The following JTB variants were observed in gnomAD, a reference collection of about 807,000 sequenced individuals.
The protein encoded by JTB is jumping translocation breakpoint.
Under a neutral mutation model 22.1 loss-of-function variants are expected in JTB, and 10 were observed. The ratio of observed to expected loss-of-function variants is 0.45; its 90% CI spans 0.28 to 0.77. The LOEUF (loss-of-function observed/expected upper bound fraction) is 0.77. JTB is among the 30% of genes least tolerant of loss of function. The pLI is 0.13. For synonymous variants in JTB, 83 were observed against 66.8 expected (o/e 1.24, Z -1.18); for missense variants, 137 against 180.3 (o/e 0.76, Z 1.38).
chr1:153,976,085 T>C (rs1239873036), intron 3 of JTB, among the ~76,000 whole-genome samples, 180 bp from the exon 4 acceptor site: 1 of 152,226 alleles, frequency 6.6e-6, no homozygotes, highest in African/African-American at 2.4e-5. Context: ...TACGAATGTA[T>C]GTTAGAACAC....
chr1:153,975,919 A>G lies in JTB; in HGVS notation c.205-14T>C. 1 of 1,599,546 alleles carries G rather than the reference A, an allele frequency of 6.3e-7. No individual in the cohort carries two copies. The highest frequency in any genetic ancestry group is 2.2e-5 in the East Asian group (1 of 44,790). ...AGGGGTAGTTTTCTGCCAGGAGAAAAGGAGCAAAGTACATGTTAGGAAGGG... is the reference window on the plus strand; with the variant it reads ...AGGGGTAGTTTTCTGCCAGGAGAAAGGGAGCAAAGTACATGTTAGGAAGGG... On this transcript the variant is annotated splice_polypyrimidine_tract_variant and intron_variant, in intron 3 of 4. Transcript: ENST00000271843.
chr1:153,976,640 A>C (rs1019461174), intron 3 of JTB, 53 bp downstream of exon 3: 11 of 1,407,158 alleles, frequency 7.8e-6, no homozygotes, highest in South Asian at 1.2e-5. Context: ...GATGTTGCTT[A>C]AGTGTTTGCT....
chr1:153,977,095 C>T, intron 1 of JTB, 75 bp downstream of exon 1: 1 of 1,613,988 alleles, frequency 6.2e-7, no homozygotes, highest in Non-Finnish European at 8.5e-7. Context: ...TGGATAAGAT[C>T]TCCCCCAGCC....
chr1:153,977,318 G>C lies in JTB; in HGVS notation c.-66C>G. 6.3e-7 allele frequency: 1 copy of C among 1,586,834 alleles called. No individual in the cohort carries two copies. The highest frequency in any genetic ancestry group is 8.6e-7 in the Non-Finnish European group (1 of 1,167,374). On this transcript the variant is annotated 5_prime_UTR_variant, in exon 1 of 5. Coordinates refer to ENST00000271843, the MANE Select transcript of JTB (RefSeq NM_006694.4). ...CTCCACAGGCCTCGTGCCTCCGTCG[G>C]AGCGCAGAGGCGGCACTTACTCTGC...
chr1:153,974,529 A>T lies in JTB; in HGVS notation c.*150T>A. ...GGAAGGAAACCATTTTACTCTTTTT[A>T]TTCTGCTCATTAATGATCTGAAAGA... On this transcript the variant is annotated 3_prime_UTR_variant, in exon 5 of 5. Transcript: ENST00000271843. 1 of 625,634 alleles carries T rather than the reference A, an allele frequency of 1.6e-6. No individual in the cohort carries two copies. Among genetic ancestry groups the T allele is most frequent in the Non-Finnish European group, 2.7e-6 (1 of 371,874 alleles). The allele number at this position is 625,634 out of a possible 1,614,324, so 38.8% of individuals were successfully genotyped here. A position where few individuals can be genotyped will look rare whatever the true frequency, so the allele number is the denominator to read the frequency against.
In JTB at chr1:153,974,656, C is replaced by A; in HGVS notation, c.*23G>T. On this transcript the variant is annotated 3_prime_UTR_variant, in exon 5 of 5. Transcript: ENST00000271843. ...TGTCTGAGATAGGGTCTCTAAGACC[C>A]AGGATACAAGGGTGGAATGTAGCTA... The A allele has an allele frequency of 6.3e-7, 1 of 1,593,212 alleles. No individual in the cohort carries two copies. The highest frequency in any genetic ancestry group is 1.3e-5 in the African/African-American group (1 of 74,720).
chr1:153,976,930 C>G (rs776761848), intron 2 of JTB, 46 bp downstream of exon 2: 1 of 1,611,456 alleles, frequency 6.2e-7, no homozygotes, highest in Non-Finnish European at 8.5e-7. Context: ...ATACTAAAAC[C>G]AAAAACAAAC....
rs1387180565 is a variant in JTB at position 153,974,541 on chromosome 1, AATG to A, written c.*135_*137del. On this transcript the variant is annotated 3_prime_UTR_variant, in exon 5 of 5. Coordinates refer to ENST00000271843, the MANE Select transcript of JTB (RefSeq NM_006694.4). ...TTTTACTCTTTTTATTCTGCTCATT[AATG>A]ATCTGAAAGAAGAAGATGGGGAAAA... The A allele has an allele frequency of 4.2e-5, 29 of 691,184 alleles. No homozygotes were observed. The highest frequency in any genetic ancestry group is 6.8e-5 in the Non-Finnish European group (28 of 413,646). 42.8% of individuals were successfully genotyped at this position (691,184 alleles called of 1,614,324 possible).
chr1:153,977,161 C>A lies in JTB; in HGVS notation c.83+9G>T. ...GACCTCCTTTTCCCTCCCCTTACCT[C>A]CTCCTTACCAGAGCTTTAAGGTGAA... On this transcript the variant is annotated intron_variant, in intron 1 of 4. Coordinates refer to ENST00000271843, the MANE Select transcript of JTB (RefSeq NM_006694.4). 6.2e-7 allele frequency: 1 copy of A among 1,614,176 alleles called. No homozygotes were observed. Among genetic ancestry groups the A allele is most frequent in the South Asian group, 1.1e-5 (1 of 91,070 alleles).
Position 153,977,433 on chromosome 1 carries a change from C to A in JTB, c.-181G>T. Reference sequence around the variant, plus strand: ...TATCAGGACGTCCCCGTTGCCACAGCGAGAAAAATCGATATGTTTTTGCGG... The same window carrying A: ...TATCAGGACGTCCCCGTTGCCACAGAGAGAAAAATCGATATGTTTTTGCGG... On this transcript the variant is annotated 5_prime_UTR_variant, in exon 1 of 5. Transcript: ENST00000271843. 1 of 1,374,300 alleles carries A rather than the reference C, an allele frequency of 7.3e-7. No homozygotes were observed. The highest frequency in any genetic ancestry group is 9.4e-7 in the Non-Finnish European group (1 of 1,067,230). 85.1% of individuals were successfully genotyped at this position (1,374,300 alleles called of 1,614,324 possible). A position where few individuals can be genotyped will look rare whatever the true frequency, so the allele number is the denominator to read the frequency against.
intron 4 of JTB, among the ~76,000 whole-genome samples, chr1:153,975,420 C>CTT (rs759464567): frequency 0.012 from 1,400 of 112,346 alleles, 23 homozygotes; most frequent in Non-Finnish European, 0.018. Context: ...CTCCCAGCCT[C>CTT]TTTTTTTTTT....
At chr1:153,977,104 C>A in intron 1 of JTB, 66 bp downstream of exon 1, 2 of 1,613,884 alleles carry the variant, frequency 1.2e-6, no homozygotes, top group South Asian at 1.1e-5. Context: ...TCTCCCCCAG[C>A]CCCGAGGCCG....
In JTB at chr1:153,977,507, G is replaced by T; in HGVS notation, c.-255C>A. The stretch of plus-strand genomic sequence containing the variant: ...CGGGGTCCGCAGGGCGCTGGAGGAA[G>T]GGCCGGCGGGGGCTCGCGGCCCTAG... On this transcript the variant is annotated 5_prime_UTR_variant, in exon 1 of 5. Coordinates refer to ENST00000271843, the MANE Select transcript of JTB (RefSeq NM_006694.4). 8.4e-7 allele frequency: 1 copy of T among 1,193,620 alleles called. No homozygotes were observed. Among genetic ancestry groups the T allele is most frequent in the Non-Finnish European group, 1.0e-6 (1 of 957,692 alleles). 73.9% of individuals were successfully genotyped at this position (1,193,620 alleles called of 1,614,324 possible).
chr1:153,976,260 G>T (rs953643436), intron 3 of JTB, among the ~76,000 whole-genome samples: 2 of 152,200 alleles, frequency 1.3e-5, no homozygotes, highest in Non-Finnish European at 2.9e-5. Context: ...TAAGGAGTTA[G>T]AGACTAGCCT....
chr1:153,977,069 C>T (rs1376151774), intron 1 of JTB, 56 bp from the exon 2 acceptor site: 2 of 1,613,970 alleles, frequency 1.2e-6, no homozygotes, highest in Non-Finnish European at 1.7e-6. Context: ...TAGGGCACCC[C>T]CTCCTGCGCT....
chr1:153,974,850 G>A lies in JTB; in HGVS notation c.285-15C>T. On this transcript the variant is annotated splice_polypyrimidine_tract_variant and intron_variant, in intron 4 of 4. Coordinates refer to ENST00000271843, the MANE Select transcript of JTB (RefSeq NM_006694.4). ...CTGAGCGGCAGCTGAGGGCAGGAAG[G>A]AATAGTTATTCCCAAGGAAGGCCAG... 6.3e-7 allele frequency: 1 copy of A among 1,593,128 alleles called. No individual in the cohort carries two copies. Among genetic ancestry groups the A allele is most frequent in the Non-Finnish European group, 8.6e-7 (1 of 1,163,042 alleles).
Position 153,977,381 on chromosome 1 carries a change from C to T in JTB, c.-129G>A, listed in dbSNP as rs539107201. The stretch of plus-strand genomic sequence containing the variant: ...GGTTCCAGGTCAGGGCAGGGAAGGC[C>T]GGAGTTGCCTATTGGAGCAGAGGAT... On this transcript the variant is annotated 5_prime_UTR_variant, in exon 1 of 5. Transcript: ENST00000271843. 5.5e-6 allele frequency: 8 copies of T among 1,458,310 alleles called. No individual in the cohort carries two copies. In the South Asian group the frequency reaches 8.6e-5, roughly 16 times the overall value. The allele number at this position is 1,458,310 out of a possible 1,614,324, so 90.3% of individuals were successfully genotyped here. A position where few individuals can be genotyped will look rare whatever the true frequency, so the allele number is the denominator to read the frequency against.
rs757693908 is a variant in JTB, at chr1:153,977,154, C to T, written c.83+16G>A. ...CTCCAGTGACCTCCTTTTCCCTCCC[C>T]TTACCTCCTCCTTACCAGAGCTTTA... On this transcript the variant is annotated intron_variant, in intron 1 of 4. Coordinates refer to ENST00000271843, the MANE Select transcript of JTB (RefSeq NM_006694.4). The T allele has an allele frequency of 2.5e-6, 4 of 1,614,122 alleles. No individual in the cohort carries two copies. The South Asian group carries it at 4.4e-5, about 18-fold the overall frequency.
Position 153,974,571 on chromosome 1 carries a change from G to A in JTB, c.*108C>T, listed in dbSNP as rs1321058072. On this transcript the variant is annotated 3_prime_UTR_variant, in exon 5 of 5. Transcript: ENST00000271843. Reference sequence around the variant, plus strand: ...TCTGAAAGAAGAAGATGGGGAAAAGGGGATTCCACCACAAGGCTCCAAAGA... The same window carrying A: ...TCTGAAAGAAGAAGATGGGGAAAAGAGGATTCCACCACAAGGCTCCAAAGA... 2 of 866,486 alleles carry A rather than the reference G, an allele frequency of 2.3e-6. No homozygotes were observed. The highest frequency in any genetic ancestry group is 3.3e-5 in the African/African-American group (2 of 59,900). 53.7% of individuals were successfully genotyped at this position (866,486 alleles called of 1,614,324 possible). A position where few individuals can be genotyped will look rare whatever the true frequency, so the allele number is the denominator to read the frequency against.
Sources: gnomAD v4.1 joint callset for allele counts (sites outside exome capture counted in the v4.1 genomes callset) on GRCh38, gnomAD v4.1.1 for gene constraint, MANE v1.5 for transcripts, NCBI Gene and HGNC (gene_info 2026-07-23, HGNC 2026-07-21) for gene names.